The following TBL1Y variants were observed in gnomAD, a reference collection of about 807,000 sequenced individuals.
The protein encoded by TBL1Y is F-box-like/WD repeat-containing protein TBL1Y.
Under a neutral mutation model 12.0 loss-of-function variants are expected in TBL1Y, and 15 were observed. That is an observed-to-expected ratio of 1.25 (90% CI 0.83 to 1.92). The LOEUF (loss-of-function observed/expected upper bound fraction) is 1.92, where lower values mean the gene tolerates loss of function less well. Among genes scored for constraint, TBL1Y ranks in the 40% most tolerant of loss-of-function variants. TBL1Y has a pLI of 0.00. For missense variants in TBL1Y, 148 were observed against 116.7 expected, an observed-to-expected ratio of 1.27 and a Z score of -1.24; for synonymous variants, 53 against 42.6, an observed-to-expected ratio of 1.24 and a Z score of -0.95.
At chrY:7,021,873 A>T in intron 5 of TBL1Y, among the ~76,000 whole-genome samples, 1 of 33,281 alleles carries the variant, frequency 3.0e-5, no homozygotes, top group Admixed American at 2.8e-4. Flanking sequence ...ATAATTATGC[A>T]GGCTTGTTAA....
intron 2 of TBL1Y, among the ~76,000 whole-genome samples, chrY:6,954,641 C>T (rs746688677): frequency 1.5e-4 from 5 of 33,535 alleles, no homozygotes; most frequent in Non-Finnish European, 3.7e-4. Context: ...TAATGCTTCA[C>T]GCTGCTTTGG....
chrY:6,979,001 A>C, intron 3 of TBL1Y, among the ~76,000 whole-genome samples: 2 of 32,026 alleles, frequency 6.2e-5, no homozygotes, highest in Non-Finnish European at 1.5e-4. Context: ...GTGGCATGAT[A>C]TCGTCTCACT....
At chrY:7,024,462 T>C (rs2124152476) in intron 5 of TBL1Y, among the ~76,000 whole-genome samples, 1 of 33,846 alleles carries the variant, frequency 3.0e-5, no homozygotes, top group East Asian at 7.7e-4. Context: ...TGGTATCTCA[T>C]TGCAGTTTTG....
chrY:7,091,565 T>C lies in TBL1Y; in HGVS notation c.*73T>C. 4.5e-6 allele frequency: 1 copy of C among 223,424 alleles called. No individual in the cohort carries two copies. The allele number at this position is 223,424 out of a possible 400,897, so 55.7% of individuals were successfully genotyped here. The stretch of plus-strand genomic sequence containing the variant: ...CCTTGAATGCATGGGGTTGCAGCTC[T>C]GTTCAAACACAATTCTATCAGCTCC... On this transcript the variant is annotated 3_prime_UTR_variant, in exon 19 of 19. Transcript: ENST00000383032.
intron 2 of TBL1Y, among the ~76,000 whole-genome samples, chrY:6,940,093 C>CA (rs2011940680): frequency 8.2e-4 from 2 of 2,428 alleles, no homozygotes; most frequent in Non-Finnish European, 1.6e-3. Context: ...ACTAAAAATA[C>CA]AAAAAAAAAA....
At chrY:7,043,527 A>AAAAT (rs559433562) in intron 7 of TBL1Y, among the ~76,000 whole-genome samples, 130 of 28,387 alleles carry the variant, frequency 4.6e-3, no homozygotes, top group Middle Eastern at 0.015. Context: ...CCATATATCT[A>AAAAT]AAATAAATAA....
At chrY:7,081,451 T>G in intron 14 of TBL1Y, among the ~76,000 whole-genome samples, 1 of 34,130 alleles carries the variant, frequency 2.9e-5, no homozygotes. Flanking sequence ...GAGTGAGATC[T>G]GTTTAAATTA....
At chrY:7,001,244 G>A (rs774280293) in intron 4 of TBL1Y, among the ~76,000 whole-genome samples, 1 of 32,728 alleles carries the variant, frequency 3.1e-5, no homozygotes, top group Admixed American at 2.8e-4. Context: ...CTTGTCAATC[G>A]CCTGGGACTT....
chrY:6,943,531 A>G, intron 2 of TBL1Y, among the ~76,000 whole-genome samples: 1 of 33,255 alleles, frequency 3.0e-5, no homozygotes, highest in Non-Finnish European at 7.4e-5. Flanking sequence ...AGGAAAAGTC[A>G]GCACTCTGTA....
chrY:7,083,953 A>G, intron 14 of TBL1Y, among the ~76,000 whole-genome samples: 2 of 30,317 alleles, frequency 6.6e-5, no homozygotes, highest in Non-Finnish European at 1.6e-4. Flanking sequence ...CTTGGCCATC[A>G]CGCTTGTTTC....
intron 7 of TBL1Y, among the ~76,000 whole-genome samples, chrY:7,059,469 T>A: frequency 3.1e-5 from 1 of 32,594 alleles, no homozygotes; most frequent in African/African-American, 1.2e-4. Context: ...CCTTCCACTG[T>A]ATGAACAGGA....
chrY:6,972,573 G>A, intron 2 of TBL1Y, among the ~76,000 whole-genome samples: 2 of 33,201 alleles, frequency 6.0e-5, no homozygotes, highest in Non-Finnish European at 1.5e-4. Context: ...TGAAAACTCT[G>A]CCATGGCCCT....
chrY:7,080,447 G>A (rs2013089935), intron 13 of TBL1Y, among the ~76,000 whole-genome samples: 1 of 32,465 alleles, frequency 3.1e-5, no homozygotes, highest in Admixed American at 2.8e-4. Context: ...AATTAGCTTA[G>A]TGTGGTGGCA....
chrY:7,063,340 G>A, intron 7 of TBL1Y, among the ~76,000 whole-genome samples: 1 of 33,928 alleles, frequency 2.9e-5, no homozygotes, highest in Admixed American at 2.6e-4. Flanking sequence ...GAGGGGAAGG[G>A]TTCTTATCCC....
chrY:6,922,426 A>G, intron 2 of TBL1Y, among the ~76,000 whole-genome samples: 1 of 34,129 alleles, frequency 2.9e-5, no homozygotes, highest in Non-Finnish European at 7.3e-5. Flanking sequence ...AGCTAGACAC[A>G]AAAGTTCTCC....
intron 3 of TBL1Y, among the ~76,000 whole-genome samples, chrY:6,990,746 A>G (rs2012358183): frequency 3.3e-5 from 1 of 29,980 alleles, no homozygotes; most frequent in East Asian, 8.7e-4. Context: ...TTTAGTAGAA[A>G]CGGGATTTCA....
chrY:6,945,575 A>G, intron 2 of TBL1Y, among the ~76,000 whole-genome samples: 9 of 32,313 alleles, frequency 2.8e-4, no homozygotes, highest in Admixed American at 2.3e-3. Flanking sequence ...TGCCCAGCTA[A>G]TTTTGTATTT....
intron 16 of TBL1Y, 33 bp downstream of exon 16, chrY:7,086,450 G>A: frequency 5.4e-6 from 2 of 369,380 alleles, no homozygotes; most frequent in Non-Finnish European, 3.8e-6. Flanking sequence ...GTACAGCTCC[G>A]CCCTACACAA....
intron 6 of TBL1Y, among the ~76,000 whole-genome samples, chrY:7,033,809 A>C: frequency 3.0e-5 from 1 of 33,483 alleles, no homozygotes; most frequent in African/African-American, 1.2e-4. Flanking sequence ...CTCTCAACAA[A>C]CTAGGTATTG....
Sources: gnomAD v4.1 joint callset for allele counts (sites outside exome capture counted in the v4.1 genomes callset) on GRCh38, gnomAD v4.1.1 for gene constraint, MANE v1.5 for transcripts, NCBI Gene and HGNC (gene_info 2026-07-23, HGNC 2026-07-21) for gene names.